Variants in HS6ST2 observed in about 807,000 individuals in gnomAD.
HS6ST2 encodes the protein heparan-sulfate 6-O-sulfotransferase 2.
Under a neutral mutation model 33.0 loss-of-function variants are expected in HS6ST2, and 17 were observed. The observed-to-expected ratio is 0.52, with a 90% CI of 0.35 to 0.77. HS6ST2 has a LOEUF of 0.77. Ranked by LOEUF, HS6ST2 falls within the 30% of genes least tolerant of loss-of-function variation. HS6ST2 has a pLI of 0.01. For missense variants in HS6ST2, 519 were observed against 551.7 expected (o/e 0.94, Z 0.59); for synonymous variants, 248 against 237.1 (o/e 1.05, Z -0.42).
intron 2 of HS6ST2, among the ~76,000 whole-genome samples, chrX:132,731,740 G>A (rs930725240): frequency 3.6e-5 from 4 of 111,394 alleles, no homozygotes; most frequent in East Asian, 2.8e-4. Flanking sequence ...CCAGCTACTC[G>A]GGAGGCTGAG....
chrX:132,741,345 G>T (rs1345469803), intron 2 of HS6ST2, among the ~76,000 whole-genome samples: 1 of 106,646 alleles, frequency 9.4e-6, no homozygotes, highest in Non-Finnish European at 1.9e-5. Context: ...TGTTGCCCAA[G>T]CTGGAGTACA....
chrX:132,857,718 T>A (rs895448517), intron 2 of HS6ST2, among the ~76,000 whole-genome samples: 3 of 111,597 alleles, frequency 2.7e-5, no homozygotes, highest in Admixed American at 1.9e-4. Context: ...ACACAACTAG[T>A]AAATGGCAGA....
In HS6ST2 at chrX:132,923,016, T is replaced by C. The variant is rs768437003; in HGVS notation, c.947+33792A>G. On this transcript the variant is annotated intron_variant, in intron 2 of 4. Coordinates refer to ENST00000370833, the MANE Select transcript of HS6ST2 (RefSeq NM_001394073.1). The stretch of plus-strand genomic sequence containing the variant: ...AGGCATAGGTTGCAGTGAGCCAAGA[T>C]TGCAGTAGGGCACTCCAGTCTGGGT... 3.9e-5 allele frequency among the ~76,000 whole-genome samples: 4 copies of C among 102,994 alleles called. No individual in the cohort carries two copies. The South Asian group carries it at 1.4e-3, about 36-fold the overall frequency. The allele number at this position is 102,994 out of a possible 115,157, so 89.4% of individuals were successfully genotyped here. A position where few individuals can be genotyped will look rare whatever the true frequency, so the allele number is the denominator to read the frequency against.
Position 132,723,775 on chromosome X carries a change from T to C in HS6ST2, c.948-15281A>G, listed in dbSNP as rs192308672. Among the ~76,000 whole-genome samples the C allele has an allele frequency of 5.4e-4, 61 of 112,092 alleles. 2 individuals are homozygous for C. In the East Asian group the frequency reaches 0.014, roughly 26 times the overall value. On this transcript the variant is annotated intron_variant, in intron 2 of 4. Coordinates refer to ENST00000370833, the MANE Select transcript of HS6ST2 (RefSeq NM_001394073.1). ...AGATCTGGAACATGACAAGGATGCC[T>C]GCTGTCACCACTGTTAACCAATATA...
intron 4 of HS6ST2, chrX:132,668,543 A>T (rs2063828686): frequency 8.9e-6 from 1 of 111,804 alleles, no homozygotes; most frequent in African/African-American, 3.3e-5. Context: ...TATTCAGCCC[A>T]TACAAGTTTT....
intron 2 of HS6ST2, among the ~76,000 whole-genome samples, chrX:132,898,568 G>GA (rs200713328): frequency 2.9e-4 from 31 of 106,472 alleles, no homozygotes; most frequent in South Asian, 1.2e-3. Flanking sequence ...CAAAATACAT[G>GA]AAAAAAAAAT....
chrX:132,658,469 G>T (rs1488745475), intron 4 of HS6ST2, among the ~76,000 whole-genome samples: 2 of 107,783 alleles, frequency 1.9e-5, no homozygotes, highest in Non-Finnish European at 3.9e-5. Flanking sequence ...TGTAAAATAT[G>T]GTTTTTTTCT....
At chrX:132,781,506 G>A in intron 2 of HS6ST2, among the ~76,000 whole-genome samples, 2 of 111,665 alleles carry the variant, frequency 1.8e-5, no homozygotes, top group South Asian at 7.7e-4. Context: ...TCTCAAGAAT[G>A]GTGAGAGTAG....
chrX:132,748,574 G>A (rs1240016570), intron 2 of HS6ST2, among the ~76,000 whole-genome samples: 1 of 111,180 alleles, frequency 9.0e-6, no homozygotes, highest in Non-Finnish European at 1.9e-5. Flanking sequence ...CCTAACGCTT[G>A]GATCATACTT....
At chrX:132,751,187 C>G (rs1386548321) in intron 2 of HS6ST2, among the ~76,000 whole-genome samples, 2 of 110,000 alleles carry the variant, frequency 1.8e-5, no homozygotes, top group Non-Finnish European at 3.8e-5. Flanking sequence ...GGGTAGAGGA[C>G]AGCTGCCATT....
chrX:132,955,798 G>A (rs2067063023), intron 2 of HS6ST2, among the ~76,000 whole-genome samples: 1 of 112,824 alleles, frequency 8.9e-6, no homozygotes, highest in Non-Finnish European at 1.9e-5. Flanking sequence ...CTAGCAACTG[G>A]ACATCGCGTC....
intron 2 of HS6ST2, among the ~76,000 whole-genome samples, chrX:132,950,936 A>G (rs766717614): frequency 3.6e-5 from 4 of 111,454 alleles, no homozygotes; most frequent in Non-Finnish European, 5.6e-5. Flanking sequence ...AACAACGCCA[A>G]TTGTGAATTC....
rs143314802 is a variant in HS6ST2 at position 132,757,257 on chromosome X, G to A, written c.948-48763C>T. ...TTAACTCACCTCAAATGTGTTACTA[G>A]CAAAGGAACTTCCCAAAGTAGAAGA... On this transcript the variant is annotated intron_variant, in intron 2 of 4. Transcript: ENST00000370833. 2.2e-3 allele frequency among the ~76,000 whole-genome samples: 245 copies of A among 111,815 alleles called. 1 individual carries two copies. The highest frequency in any genetic ancestry group is 7.1e-3 in the African/African-American group (220 of 30,784).
At chrX:132,856,152 C>G (rs1402457791) in intron 2 of HS6ST2, among the ~76,000 whole-genome samples, 2 of 112,000 alleles carry the variant, frequency 1.8e-5, no homozygotes. Flanking sequence ...AGTCCCCACC[C>G]TTATCTGTGG....
chrX:132,777,407 GT>G (rs2064972135), intron 2 of HS6ST2, among the ~76,000 whole-genome samples: 1 of 93,494 alleles, frequency 1.1e-5, no homozygotes, highest in African/African-American at 4.3e-5. Context: ...TTTTAATGAA[GT>G]TTAAATATCA....
At chrX:132,669,575 C>G (rs1157730721) in intron 3 of HS6ST2, 2 of 120,474 alleles carry the variant, frequency 1.7e-5, no homozygotes, top group Non-Finnish European at 3.4e-5. Flanking sequence ...ACTGAATTCT[C>G]TTCATTACAT....
intron 2 of HS6ST2, among the ~76,000 whole-genome samples, chrX:132,894,315 A>AT (rs1281631918): frequency 9.4e-6 from 1 of 106,644 alleles, no homozygotes; most frequent in Non-Finnish European, 1.9e-5. Flanking sequence ...TGATTTTTGT[A>AT]TTTTTAGTAG....
intron 2 of HS6ST2, among the ~76,000 whole-genome samples, chrX:132,889,084 T>A (rs2066280605): frequency 9.0e-6 from 1 of 110,568 alleles, no homozygotes; most frequent in South Asian, 3.9e-4. Context: ...CTAAGTCTCA[T>A]CAGTTGCCTG....
chrX:132,637,824 A>AATATTATATATAAT (rs2063562451), intron 4 of HS6ST2, among the ~76,000 whole-genome samples: 1 of 58,142 alleles, frequency 1.7e-5, no homozygotes, highest in East Asian at 4.9e-4. Context: ...TTATATATAT[A>AATATTATATATAAT]ATATTATATA....
Sources: allele counts gnomAD v4.1 joint callset (sites outside exome capture counted in the v4.1 genomes callset), GRCh38; gene constraint gnomAD v4.1.1; transcripts MANE v1.5; gene names NCBI Gene and HGNC (gene_info 2026-07-23, HGNC 2026-07-21).